The following PLEKHB1 variants were observed in gnomAD, a reference collection of about 807,000 sequenced individuals.
PLEKHB1 encodes the protein pleckstrin homology domain-containing family B member 1.
PLEKHB1 carries 29 observed loss-of-function variants against 36.2 expected under a neutral mutation model. That is an observed-to-expected ratio of 0.80 (90% CI 0.60 to 1.09). PLEKHB1 has a LOEUF of 1.09. Among genes scored for constraint, PLEKHB1 ranks in the 50% least tolerant of loss-of-function variants. The pLI, the probability that PLEKHB1 is intolerant of heterozygous loss-of-function variation, is 0.00. For synonymous variants in PLEKHB1, 138 were observed against 140.0 expected, an observed-to-expected ratio of 0.99 and a Z score of 0.10; for missense variants, 330 against 348.2, an observed-to-expected ratio of 0.95 and a Z score of 0.42.
At chr11:73,647,754 G>A (rs1309441160) in intron 1 of PLEKHB1, 1 of 978,638 alleles carries the variant, frequency 1.0e-6, no homozygotes, top group Admixed American at 6.3e-5. Context: ...TGCATCAAGG[G>A]GAGGGGCTGG....
At chr11:73,651,125 T>A (rs887492029) in intron 3 of PLEKHB1, among the ~76,000 whole-genome samples, 1 of 151,666 alleles carries the variant, frequency 6.6e-6, no homozygotes. Flanking sequence ...GAGAGGCATG[T>A]AGATTACTTG....
chr11:73,661,899 C>T lies in PLEKHB1; in HGVS notation c.*297C>T. 1 of 356,638 alleles carries T rather than the reference C, an allele frequency of 2.8e-6. No individual in the cohort carries two copies. Among genetic ancestry groups the T allele is most frequent in the African/African-American group, 2.1e-5 (1 of 47,468 alleles). The allele number at this position is 356,638 out of a possible 1,614,324, so 22.1% of individuals were successfully genotyped here. A position where few individuals can be genotyped will look rare whatever the true frequency, so the allele number is the denominator to read the frequency against. ...TAAACACAACAGGGCACAGCAAATA[C>T]GACTTCATTTGGCTTCGAGTTCCCC... is the stretch of plus-strand genomic sequence containing the variant. On this transcript the variant is annotated 3_prime_UTR_variant, in exon 8 of 8. Coordinates refer to ENST00000354190, the MANE Select transcript of PLEKHB1 (RefSeq NM_021200.3). This position sits in a 1 kb window ranked among gnomAD's most constrained non-coding sequence, Gnocchi z 4.6.
rs377039938 is a variant in PLEKHB1 at position 73,661,495 on chromosome 11, G to A, written c.625G>A (p.Glu209Lys). The A allele has an allele frequency of 2.5e-6, 4 of 1,613,672 alleles. No individual in the cohort carries two copies. Among genetic ancestry groups the A allele is most frequent in the African/African-American group, 2.7e-5 (2 of 74,936 alleles). Residue 209 changes from glutamate (E) to lysine (K), a missense_variant, in exon 8 of 8, where the codon GAG (glutamate) becomes AAG (lysine). Physicochemically the swap from Glu to Lys is moderately conservative, Grantham distance 56 (BLOSUM62 1). Transcript: ENST00000354190. The surrounding 1 kb of genome is among the most constrained non-coding windows in gnomAD (Gnocchi z 4.6). The stretch of plus-strand genomic sequence containing the variant: ...TGGCGTGACGCACGTGATAGTGCGG[G>A]AGGATCCCTGCTACAGCGCCGGCGC... ...GPGVTHVIVR[E>K]DPCYSAGAPL...
Position 73,653,596 on chromosome 11 carries a change from A to C in PLEKHB1, c.390+582A>C, listed in dbSNP as rs73536623. 1,640 of 389,732 alleles carry C rather than the reference A, an allele frequency of 4.2e-3. 32 individuals carry two copies. Among genetic ancestry groups the C allele is most frequent in the African/African-American group, 0.031 (1,511 of 48,172 alleles). The allele number at this position is 389,732 out of a possible 1,614,324, so 24.1% of individuals were successfully genotyped here. Reference sequence around the variant, plus strand: ...GAGATTTGCAGTGTCTGGCCCTTTCATCCAGGTGGTAGTTCAGGCAAGGCT... The same window carrying C: ...GAGATTTGCAGTGTCTGGCCCTTTCCTCCAGGTGGTAGTTCAGGCAAGGCT... On this transcript the variant is annotated intron_variant, in intron 5 of 7. Transcript: ENST00000354190.
At chr11:73,651,945 C>A in intron 4 of PLEKHB1, 55 bp downstream of exon 4, 1 of 1,500,928 alleles carries the variant, frequency 6.7e-7, no homozygotes, top group South Asian at 1.2e-5. Context: ...TTACCATGTG[C>A]CCCCTTCTCA....
In PLEKHB1 at chr11:73,661,551, C is replaced by A; in HGVS notation, c.681C>A (p.Ala227=). The A allele has an allele frequency of 6.2e-7, 1 of 1,610,144 alleles. No homozygotes were observed. The highest frequency in any genetic ancestry group is 1.3e-5 in the African/African-American group (1 of 74,982). The change falls in exon 8 of 8, where the codon GCC becomes GCA. Residue 227 remains alanine, a synonymous_variant. Coordinates refer to ENST00000354190, the MANE Select transcript of PLEKHB1 (RefSeq NM_021200.3). This position sits in a 1 kb window ranked among gnomAD's most constrained non-coding sequence, Gnocchi z 4.6. ...APLAMGMLAG[A]ATGAALGSLM... ...TGGCCATGGGCATGCTTGCGGGAGC[C>A]GCCACTGGGGCGGCGCTGGGCTCGC...
intron 1 of PLEKHB1, chr11:73,647,941 G>A (rs891133128): frequency 7.1e-6 from 7 of 985,414 alleles, no homozygotes; most frequent in Non-Finnish European, 8.4e-6. Context: ...TGGCAAGTGA[G>A]TCGCCCTCAG....
rs374048068 is a variant in PLEKHB1, at chr11:73,646,608, C to A, written c.-1C>A. On this transcript the variant is annotated 5_prime_UTR_variant, in exon 1 of 8. Coordinates refer to ENST00000354190, the MANE Select transcript of PLEKHB1 (RefSeq NM_021200.3). ...AATGCTGCCCTGGCCACCCAGGAAC[C>A]ATGAGCCCTGCAGCCCCGGTAAGGA... The A allele has an allele frequency of 1.6e-4, 241 of 1,551,562 alleles. 1 individual carries two copies. Among genetic ancestry groups the A allele is most frequent in the South Asian group, 6.5e-4 (55 of 84,064 alleles).
At chr11:73,656,199 C>CT (rs1944991764) in intron 6 of PLEKHB1, among the ~76,000 whole-genome samples, 3 of 152,224 alleles carry the variant, frequency 2.0e-5, no homozygotes, top group Non-Finnish European at 2.9e-5. Flanking sequence ...CTGCCACCTA[C>CT]TCAGTGGGGA....
At position 73,651,825 on chromosome 11, in the gene PLEKHB1, G is replaced by A; in HGVS notation, c.285G>A (p.Leu95=). Residue 95 remains leucine (L), a synonymous_variant, in exon 4 of 8, where the codon CTG becomes CTA. Coordinates refer to ENST00000354190, the MANE Select transcript of PLEKHB1 (RefSeq NM_021200.3). ...QPPEGRSRDG[L]LTVNLREGGR... is the part of the protein sequence containing the mutation. The stretch of plus-strand genomic sequence containing the variant: ...CAGAGGGCCGGAGCCGAGATGGCCT[G>A]CTGACTGTGAACCTACGGGAAGGCG... 1 of 1,613,662 alleles carries A rather than the reference G, an allele frequency of 6.2e-7. No individual in the cohort carries two copies. The highest frequency in any genetic ancestry group is 1.1e-5 in the South Asian group (1 of 91,080).
intron 3 of PLEKHB1, chr11:73,651,473 C>G (rs994814473): frequency 7.2e-6 from 4 of 553,552 alleles, no homozygotes; most frequent in African/African-American, 5.6e-5. Flanking sequence ...TGGATGAAGA[C>G]GAAATGAAAT....
intron 1 of PLEKHB1, chr11:73,647,598 G>A (rs1279655122): frequency 3.0e-6 from 3 of 985,344 alleles, no homozygotes; most frequent in Non-Finnish European, 3.6e-6. Flanking sequence ...CCCGGGGGCA[G>A]CTGGGCTCTC....
At position 73,650,665 on chromosome 11, in the gene PLEKHB1, C is replaced by G. The variant is rs1944871962; in HGVS notation, c.207C>G (p.His69Gln). Residue 69 changes from histidine to glutamine, a missense_variant, in exon 3 of 8, where the codon CAC becomes CAG. Coordinates refer to ENST00000354190, the MANE Select transcript of PLEKHB1 (RefSeq NM_021200.3). ...AQDEEDRVLI[H>Q]FNVRDIKIGP... Reference sequence around the variant, plus strand: ...ACGAGGAGGACCGTGTGCTCATCCACTTCAATGTCCGTGACATAAAGATCG... The same window carrying G: ...ACGAGGAGGACCGTGTGCTCATCCAGTTCAATGTCCGTGACATAAAGATCG... The G allele has an allele frequency of 3.7e-6, 6 of 1,610,656 alleles. No individual in the cohort carries two copies. The highest frequency in any genetic ancestry group is 1.7e-5 in the Admixed American group (1 of 59,584).
At chr11:73,648,939 G>C in intron 1 of PLEKHB1, 73 bp from the exon 2 acceptor site, 1 of 1,532,066 alleles carries the variant, frequency 6.5e-7, no homozygotes, top group Non-Finnish European at 8.8e-7. Flanking sequence ...GGCTCCCCAG[G>C]GACGGCAGGG....
intron 2 of PLEKHB1, 129 bp from the exon 3 acceptor site, chr11:73,650,424 G>A (rs1565328068): frequency 2.9e-6 from 3 of 1,029,766 alleles, no homozygotes; most frequent in South Asian, 1.7e-5. Flanking sequence ...TCATTTCAGG[G>A]GGTAGACAAG....
At chr11:73,653,291 C>T in intron 5 of PLEKHB1, 1 of 659,884 alleles carries the variant, frequency 1.5e-6, no homozygotes, top group Non-Finnish European at 2.8e-6. Context: ...CTATTATGTG[C>T]CAGGTGTGGT....
intron 1 of PLEKHB1, chr11:73,648,167 GCTTGCC>G (rs1450630962): frequency 1.1e-5 from 2 of 176,058 alleles, no homozygotes; most frequent in Non-Finnish European, 2.2e-5. Flanking sequence ...GAGTATCAGG[GCTTGCC>G]TCCTGCCCTC....
In PLEKHB1 at chr11:73,661,359, G is replaced by GGTTC. The variant is rs1945113546; in HGVS notation, c.596-105_596-102dup. 1 of 1,278,044 alleles carries GGTTC rather than the reference G, an allele frequency of 7.8e-7. No individual in the cohort carries two copies. Among genetic ancestry groups the GGTTC allele is most frequent in the Non-Finnish European group, 1.1e-6 (1 of 905,240 alleles). 79.2% of individuals were successfully genotyped at this position (1,278,044 alleles called of 1,614,324 possible). On this transcript the variant is annotated intron_variant, in intron 7 of 7. Transcript: ENST00000354190. This position sits in a 1 kb window ranked among gnomAD's most constrained non-coding sequence, Gnocchi z 4.6. ...TCTTTGACTGGGGAGCAGGAGAGTG[G>GGTTC]GTTCGGCGCCTTACACTGGGTTGGG...
Position 73,653,026 on chromosome 11 carries a change from G to T in PLEKHB1, c.390+12G>T. On this transcript the variant is annotated intron_variant, in intron 5 of 7. Coordinates refer to ENST00000354190, the MANE Select transcript of PLEKHB1 (RefSeq NM_021200.3). ...CAAACTCCACCCCGGTGAGTCTCCCGTTCTCTCCCCCTTTCCCCACCACCT... is the reference window on the plus strand; with the variant it reads ...CAAACTCCACCCCGGTGAGTCTCCCTTTCTCTCCCCCTTTCCCCACCACCT... 6.2e-7 allele frequency: 1 copy of T among 1,606,564 alleles called. No homozygotes were observed. The highest frequency in any genetic ancestry group is 8.5e-7 in the Non-Finnish European group (1 of 1,174,938).
Sources: allele counts gnomAD v4.1 joint callset (sites outside exome capture counted in the v4.1 genomes callset), GRCh38; gene constraint gnomAD v4.1.1; non-coding constraint Gnocchi (gnomAD v3.1); transcripts MANE v1.5; gene names NCBI Gene and HGNC (gene_info 2026-07-23, HGNC 2026-07-21).